LAMB1: variants seen among roughly 807,000 people sequenced by gnomAD.
The protein encoded by LAMB1 is laminin subunit beta-1.
LAMB1 carries 121 observed loss-of-function variants against 222.3 expected under a neutral mutation model. That is an observed-to-expected ratio of 0.54 (90% CI 0.47 to 0.63). The LOEUF (loss-of-function observed/expected upper bound fraction) is 0.63. LAMB1 is among the 30% of genes least tolerant of loss of function. The pLI is 0.00. For synonymous variants in LAMB1, 794 were observed against 807.2 expected, an observed-to-expected ratio of 0.98 and a Z score of 0.28; for missense variants, 2,172 against 2,240.8, an observed-to-expected ratio of 0.97 and a Z score of 0.62.
chr7:107,924,436 GTAATTACATT>G (rs2032511979), intron 32 of LAMB1, 47 bp from the exon 33 acceptor site: 1 of 1,457,200 alleles, frequency 6.9e-7, no homozygotes, highest in African/African-American at 1.4e-5. Flanking sequence ...GTTAGTGTCA[GTAATTACATT>G]TAAGAGCAAT....
intron 24 of LAMB1, 23 bp from the exon 25 acceptor site, chr7:107,940,381 A>G: frequency 1.9e-6 from 3 of 1,597,698 alleles, no homozygotes; most frequent in Non-Finnish European, 1.7e-6. Flanking sequence ...AAGCAATGCT[A>G]GCTGATCTAC....
intron 31 of LAMB1, among the ~76,000 whole-genome samples, chr7:107,927,846 A>G (rs1248581805): frequency 6.6e-6 from 1 of 152,230 alleles, no homozygotes; most frequent in Non-Finnish European, 1.5e-5. Flanking sequence ...AACTGACAGC[A>G]ATAGAATAGG....
Position 107,926,326 on chromosome 7 carries a change from A to G in LAMB1, c.4921T>C (p.Leu1641=). 1 of 1,613,910 alleles carries G rather than the reference A, an allele frequency of 6.2e-7. No homozygotes were observed. Among genetic ancestry groups the G allele is most frequent in the Non-Finnish European group, 8.5e-7 (1 of 1,179,852 alleles). The change falls in exon 32 of 34, where the codon TTG becomes CTG. Residue 1641 remains leucine, a synonymous_variant. Transcript: ENST00000222399. ...CTGATGCGCTGGGACGCGTTGAACA[A>G]GGTTTCCTCAGAAGCTGCTGTTTCA... ...ESETAASEET[L]FNASQRISEL...
intron 20 of LAMB1, among the ~76,000 whole-genome samples, chr7:107,958,660 G>A (rs376583228): frequency 6.6e-6 from 1 of 152,086 alleles, no homozygotes; most frequent in African/African-American, 2.4e-5. Flanking sequence ...TTTTTCATAC[G>A]GAGTATTTTT....
Position 107,980,864 on chromosome 7 carries a change from T to G in LAMB1, c.677-53A>C. ...GTCTGATCAGACAAGCAAGAAGTTT[T>G]TTTTTTTTTCCTTGCATCATTTCTT... On this transcript the variant is annotated intron_variant, in intron 7 of 33. Transcript: ENST00000222399. 18 of 1,153,836 alleles carry G rather than the reference T, an allele frequency of 1.6e-5. No homozygotes were observed. In the South Asian group the frequency reaches 2.4e-4, roughly 16 times the overall value. The allele number at this position is 1,153,836 out of a possible 1,614,324, so 71.5% of individuals were successfully genotyped here. A position where few individuals can be genotyped will look rare whatever the true frequency, so the allele number is the denominator to read the frequency against.
At chr7:107,971,720 T>C (rs1164135372) in intron 13 of LAMB1, among the ~76,000 whole-genome samples, 1 of 152,202 alleles carries the variant, frequency 6.6e-6, no homozygotes, top group Non-Finnish European at 1.5e-5. Flanking sequence ...TTATAAATTT[T>C]TGCACAAGAG....
At chr7:107,980,008 G>A (rs185205225) in intron 8 of LAMB1, among the ~76,000 whole-genome samples, 1 of 152,006 alleles carries the variant, frequency 6.6e-6, no homozygotes. Context: ...AGGAGTTTGA[G>A]ATCAGCCTAG....
At chr7:107,997,610 C>CTTAT (rs947059345) in intron 4 of LAMB1, among the ~76,000 whole-genome samples, 96 of 152,164 alleles carry the variant, frequency 6.3e-4, no homozygotes, top group African/African-American at 1.9e-3. Context: ...TTTGAGGATA[C>CTTAT]TTATTTATTT....
intron 18 of LAMB1, 64 bp downstream of exon 18, chr7:107,960,381 T>C (rs923437476): frequency 1.5e-6 from 2 of 1,292,816 alleles, no homozygotes; most frequent in Non-Finnish European, 2.2e-6. Context: ...TCCACTGTAC[T>C]TCATGTGCCA....
chr7:107,952,335 A>C (rs1407671558), intron 22 of LAMB1, 112 bp from the exon 23 acceptor site: 11 of 764,844 alleles, frequency 1.4e-5, no homozygotes, highest in Non-Finnish European at 2.3e-5. Context: ...TGACCTTGAA[A>C]TGCAAAGAAG....
intron 24 of LAMB1, among the ~76,000 whole-genome samples, chr7:107,944,865 T>C (rs1046112938): frequency 2.6e-5 from 4 of 152,182 alleles, no homozygotes; most frequent in Admixed American, 2.0e-4. Flanking sequence ...TCTGAAAAAC[T>C]GTGAACTGAC....
Position 107,951,279 on chromosome 7 carries a change from G to T in LAMB1, c.3338C>A (p.Thr1113Asn). 4 of 1,614,162 alleles carry T rather than the reference G, an allele frequency of 2.5e-6. No homozygotes were observed. Among genetic ancestry groups the T allele is most frequent in the Non-Finnish European group, 3.4e-6 (4 of 1,180,024 alleles). ...GAAGAGTTCCTGGCACTCGCTGCAG[G>T]TGCGGCCTCCAAACCCAGGCATGCA... ...CQCMPGFGGR[T>N]CSECQELFWG... is the part of the protein sequence containing the mutation. The change falls in exon 24 of 34, where the codon ACC becomes AAC. Residue 1113 changes from threonine to asparagine, a missense_variant. Physicochemically the swap from Thr to Asn is moderately conservative, Grantham distance 65. Coordinates refer to ENST00000222399, the MANE Select transcript of LAMB1 (RefSeq NM_002291.3).
chr7:107,999,287 T>C (rs1460033776), intron 3 of LAMB1, among the ~76,000 whole-genome samples: 1 of 152,234 alleles, frequency 6.6e-6, no homozygotes, highest in Non-Finnish European at 1.5e-5. Flanking sequence ...TTCCTGTGCA[T>C]TCCATCAAGG....
intron 6 of LAMB1, 34 bp from the exon 7 acceptor site, chr7:107,986,119 G>A: frequency 7.5e-6 from 12 of 1,608,966 alleles, no homozygotes; most frequent in South Asian, 1.1e-5. Flanking sequence ...TGGTACTTCT[G>A]CAATAATCAA....
Position 107,951,310 on chromosome 7 carries a change from A to ACTGCCC in LAMB1, c.3301_3306dup (p.Gly1101_Gln1102dup). On this transcript the variant is annotated inframe_insertion, in exon 24 of 34. Coordinates refer to ENST00000222399, the MANE Select transcript of LAMB1 (RefSeq NM_002291.3). ...CCTCCAAACCCAGGCATGCACTGGC[A>ACTGCCC]CTGCCCCGTGAACTGCGGCCAGAAC... is the stretch of plus-strand genomic sequence containing the variant. 6.2e-7 allele frequency: 1 copy of ACTGCCC among 1,614,106 alleles called. No homozygotes were observed. Among genetic ancestry groups the ACTGCCC allele is most frequent in the Non-Finnish European group, 8.5e-7 (1 of 1,180,000 alleles).
intron 3 of LAMB1, among the ~76,000 whole-genome samples, chr7:108,000,136 A>T (rs1354329464): frequency 6.6e-6 from 1 of 152,120 alleles, no homozygotes; most frequent in Non-Finnish European, 1.5e-5. Context: ...GAAAAGTAAC[A>T]TCAACTGCCT....
chr7:107,973,104 G>A (rs746998008), intron 12 of LAMB1, 33 bp from the exon 13 acceptor site: 1 of 1,570,160 alleles, frequency 6.4e-7, no homozygotes, highest in East Asian at 2.2e-5. Flanking sequence ...TGTAACGGTA[G>A]GTTTCTGTAA....
At chr7:107,958,278 G>A (rs189119114) in intron 20 of LAMB1, among the ~76,000 whole-genome samples, 2 of 152,268 alleles carry the variant, frequency 1.3e-5, no homozygotes, top group Non-Finnish European at 2.9e-5. Flanking sequence ...TTTTAAGGTT[G>A]GAAGGGATAA....
At chr7:107,933,531 G>A (rs1232817273) in intron 27 of LAMB1, among the ~76,000 whole-genome samples, 2 of 151,778 alleles carry the variant, frequency 1.3e-5, no homozygotes, top group African/African-American at 2.4e-5. Flanking sequence ...GTAAAACCTC[G>A]GTTGCTTTCT....
Sources: allele counts gnomAD v4.1 joint callset (sites outside exome capture counted in the v4.1 genomes callset), GRCh38; gene constraint gnomAD v4.1.1; transcripts MANE v1.5; gene names NCBI Gene and HGNC (gene_info 2026-07-23, HGNC 2026-07-21).